The following CACNA2D3 variants were observed in gnomAD, a reference collection of about 807,000 sequenced individuals.
The protein encoded by CACNA2D3 is calcium voltage-gated channel auxiliary subunit alpha2delta 3.
In CACNA2D3, 60 loss-of-function variants were observed where a neutral mutation model predicts 160.6. That is an observed-to-expected ratio of 0.37 (90% confidence interval 0.30 to 0.46). CACNA2D3 has a LOEUF of 0.46. Among genes scored for constraint, CACNA2D3 ranks in the 20% least tolerant of loss-of-function variants. The pLI is 1.00. For synonymous variants in CACNA2D3, 558 were observed against 492.9 expected (o/e 1.13, Z -1.75); for missense variants, 1,205 against 1,365.0 (o/e 0.88, Z 1.85).
chr3:54,475,826 T>TGTGTGTGTGTGTGTGTGTG (rs979762350), intron 4 of CACNA2D3, among the ~76,000 whole-genome samples: 3 of 151,652 alleles, frequency 2.0e-5, no homozygotes, highest in African/African-American at 7.3e-5. Flanking sequence ...TGTGTGTGTG[T>TGTGTGTGTGTGTGTGTGTG]GTGTGTGTGT....
chr3:54,668,363 G>C (rs935042869), intron 11 of CACNA2D3, among the ~76,000 whole-genome samples: 1 of 152,208 alleles, frequency 6.6e-6, no homozygotes, highest in African/African-American at 2.4e-5. Flanking sequence ...GCAGAGTTCA[G>C]GAGTGCTGCT....
intron 3 of CACNA2D3, among the ~76,000 whole-genome samples, chr3:54,323,080 G>A (rs562098752): frequency 2.0e-5 from 3 of 152,206 alleles, no homozygotes; most frequent in Non-Finnish European, 2.9e-5. Context: ...TCACGTAGGG[G>A]TTTAGTCTGG....
intron 4 of CACNA2D3, among the ~76,000 whole-genome samples, chr3:54,477,535 G>T (rs2106889808): frequency 6.6e-6 from 1 of 152,150 alleles, no homozygotes; most frequent in East Asian, 1.9e-4. Flanking sequence ...TCTTTGACTT[G>T]CCATCTCCCT....
Position 54,836,514 on chromosome 3 carries a change from G to T in CACNA2D3, c.1399-645G>T, listed in dbSNP as rs143574404. Reference sequence around the variant, plus strand: ...CTCCCAAAGTGCTGGGATTACAGATGTGAGCCACCACGCCTGTCCTCAAGG... The same window carrying T: ...CTCCCAAAGTGCTGGGATTACAGATTTGAGCCACCACGCCTGTCCTCAAGG... On this transcript the variant is annotated intron_variant, in intron 14 of 37. Transcript: ENST00000474759. Among the ~76,000 whole-genome samples the T allele has an allele frequency of 6.2e-3, 945 of 152,138 alleles. 9 individuals carry two copies. Among genetic ancestry groups the T allele is most frequent in the African/African-American group, 0.022 (893 of 41,508 alleles).
chr3:54,334,146 G>T (rs1704325629), intron 3 of CACNA2D3, among the ~76,000 whole-genome samples: 1 of 152,132 alleles, frequency 6.6e-6, no homozygotes, highest in East Asian at 1.9e-4. Flanking sequence ...GAGTGCAGTA[G>T]TGTGATCTCG....
At chr3:54,677,337 C>A (rs943638523) in intron 11 of CACNA2D3, among the ~76,000 whole-genome samples, 8 of 152,122 alleles carry the variant, frequency 5.3e-5, no homozygotes, top group Non-Finnish European at 1.2e-4. Flanking sequence ...GTGATATATT[C>A]TAAGTTTTCT....
chr3:54,763,780 C>CGTATATATACGT lies in CACNA2D3; in HGVS notation c.1247-438_1247-437insGTATATATACGT, dbSNP rs1226075394. On this transcript the variant is annotated intron_variant, in intron 12 of 37. Coordinates refer to ENST00000474759, the MANE Select transcript of CACNA2D3 (RefSeq NM_018398.3). Reference sequence around the variant, plus strand: ...ATACACATATATATGTATATATGTACATATATATGTATATATATGTACATA... The same window carrying CGTATATATACGT: ...ATACACATATATATGTATATATGTACGTATATATACGTATATATATGTATATATATGTACATA... Among the ~76,000 whole-genome samples the CGTATATATACGT allele has an allele frequency of 5.8e-4, 15 of 25,736 alleles. 3 individuals carry two copies. Among genetic ancestry groups the CGTATATATACGT allele is most frequent in the African/African-American group, 7.2e-4 (6 of 8,302 alleles). 16.9% of individuals were successfully genotyped at this position (25,736 alleles called of 152,430 possible). A position where few individuals can be genotyped will look rare whatever the true frequency, so the allele number is the denominator to read the frequency against.
At chr3:54,344,997 A>C (rs1272114947) in intron 3 of CACNA2D3, among the ~76,000 whole-genome samples, 1 of 152,206 alleles carries the variant, frequency 6.6e-6, no homozygotes, top group Non-Finnish European at 1.5e-5. Context: ...GAGCGCCATG[A>C]CAGTTTACAA....
At chr3:54,891,505 C>A in intron 25 of CACNA2D3, 55 bp downstream of exon 25, 1 of 1,273,842 alleles carries the variant, frequency 7.9e-7, no homozygotes, top group Non-Finnish European at 1.1e-6. Context: ...ATGGAACATT[C>A]AAAGGGAAGC....
At chr3:54,263,696 G>C (rs990340680) in intron 2 of CACNA2D3, among the ~76,000 whole-genome samples, 1 of 152,194 alleles carries the variant, frequency 6.6e-6, no homozygotes, top group African/African-American at 2.4e-5. Context: ...GCAAACACAT[G>C]TTGTGCACCT....
At chr3:54,668,362 A>G (rs902368736) in intron 11 of CACNA2D3, among the ~76,000 whole-genome samples, 1 of 152,214 alleles carries the variant, frequency 6.6e-6, no homozygotes, top group African/African-American at 2.4e-5. Context: ...TGCAGAGTTC[A>G]GGAGTGCTGC....
intron 2 of CACNA2D3, among the ~76,000 whole-genome samples, chr3:54,258,957 G>A (rs1392124890): frequency 2.6e-5 from 4 of 152,172 alleles, no homozygotes; most frequent in African/African-American, 9.7e-5. Flanking sequence ...TGCCATACTG[G>A]ACTGAGGTAG....
At chr3:54,535,575 T>C (rs1326632978) in intron 5 of CACNA2D3, among the ~76,000 whole-genome samples, 1 of 152,242 alleles carries the variant, frequency 6.6e-6, no homozygotes, top group East Asian at 1.9e-4. Flanking sequence ...TTGTTTTATG[T>C]GGATGTTAAG....
intron 34 of CACNA2D3, among the ~76,000 whole-genome samples, chr3:55,014,317 C>T (rs1424200235): frequency 6.6e-6 from 1 of 152,142 alleles, no homozygotes; most frequent in Non-Finnish European, 1.5e-5. Context: ...GCAGTGTCTG[C>T]TTCTGGAACC....
At chr3:54,929,074 C>T (rs997690975) in intron 27 of CACNA2D3, among the ~76,000 whole-genome samples, 1 of 152,118 alleles carries the variant, frequency 6.6e-6, no homozygotes, top group Admixed American at 6.5e-5. Context: ...ATCCTTGGCT[C>T]CAGGAGGTAT....
chr3:54,163,108 C>T (rs1700379865), intron 2 of CACNA2D3, among the ~76,000 whole-genome samples: 1 of 152,090 alleles, frequency 6.6e-6, no homozygotes. Flanking sequence ...GGAGTGGTTG[C>T]AAATGAGGTT....
chr3:54,198,416 C>T (rs1445380178), intron 2 of CACNA2D3, among the ~76,000 whole-genome samples: 2 of 152,294 alleles, frequency 1.3e-5, no homozygotes, highest in South Asian at 2.1e-4. Flanking sequence ...CCCGTGGCCC[C>T]GAATATTTCC....
chr3:54,964,854 A>G (rs1451054594), intron 27 of CACNA2D3, among the ~76,000 whole-genome samples: 1 of 151,620 alleles, frequency 6.6e-6, no homozygotes, highest in African/African-American at 2.4e-5. Context: ...TGCACTTTAA[A>G]TCATTTTCAC....
chr3:54,832,831 A>C (rs2694128), intron 14 of CACNA2D3, among the ~76,000 whole-genome samples: 117,115 of 152,096 alleles, frequency 0.77, 45,868 homozygotes, highest in African/African-American at 0.91. Context: ...TGGAACCTGG[A>C]ACATAGCTGA....
Sources: allele counts gnomAD v4.1 joint callset (sites outside exome capture counted in the v4.1 genomes callset), GRCh38; gene constraint gnomAD v4.1.1; transcripts MANE v1.5; gene names NCBI Gene and HGNC (gene_info 2026-07-23, HGNC 2026-07-21).